Variants in RFX8 observed in about 807,000 individuals in gnomAD.
RFX8 encodes the protein regulatory factor X8, also known as DNA-binding protein RFX8.
A neutral mutation model predicts 54.6 loss-of-function variants in RFX8; 46 were observed. That is an observed-to-expected ratio of 0.84 (90% CI 0.67 to 1.08). The LOEUF (loss-of-function observed/expected upper bound fraction) is 1.08. Ranked by LOEUF, RFX8 falls within the 50% of genes least tolerant of loss-of-function variation. The pLI, the probability that RFX8 is intolerant of heterozygous loss-of-function variation, is 0.00. For missense variants in RFX8, 536 were observed against 562.3 expected, an observed-to-expected ratio of 0.95 and a Z score of 0.47; for synonymous variants, 192 against 209.5, an observed-to-expected ratio of 0.92 and a Z score of 0.72.
rs1294396543 is a variant in RFX8, at chr2:101,397,637, T to C, written c.1333A>G (p.Lys445Glu). ...PMGQEALITL[K>E]DGQQFVIQIS... ...TGAATCACAAATTGTTGTCCATCTTTTAGGGTTATGAGGGCTTCTTGTCCC... is the reference window on the plus strand; with the variant it reads ...TGAATCACAAATTGTTGTCCATCTTCTAGGGTTATGAGGGCTTCTTGTCCC... Residue 445 changes from lysine (K) to glutamate (E), a missense_variant, in exon 12 of 12, where the codon AAA (lysine) becomes GAA (glutamate). Coordinates refer to ENST00000428343, the MANE Select transcript of RFX8 (RefSeq NM_001145664.2). 1 of 1,551,526 alleles carries C rather than the reference T, an allele frequency of 6.4e-7. No individual in the cohort carries two copies.
chr2:101,471,984 G>C (rs889605560), intron 1 of RFX8, among the ~76,000 whole-genome samples: 1 of 151,964 alleles, frequency 6.6e-6, no homozygotes, highest in Non-Finnish European at 1.5e-5. Flanking sequence ...CAGACCCCTC[G>C]CCCTGCACTA....
In RFX8 at chr2:101,436,822, T is replaced by C. The variant is rs373349444; in HGVS notation, c.73-14350A>G. 3.9e-4 allele frequency among the ~76,000 whole-genome samples: 60 copies of C among 152,304 alleles called. 2 individuals are homozygous for C. In the East Asian group the frequency reaches 0.011, roughly 27 times the overall value. On this transcript the variant is annotated intron_variant, in intron 2 of 11. Coordinates refer to ENST00000428343, the MANE Select transcript of RFX8 (RefSeq NM_001145664.2). ...CCTCTGTTGGCCGCTGACCTCCTTC[T>C]GCTAAGGAGCCCTGCTCTGGTTCTG...
At chr2:101,409,447 C>G (rs1202648813) in intron 9 of RFX8, among the ~76,000 whole-genome samples, 3 of 151,722 alleles carry the variant, frequency 2.0e-5, no homozygotes, top group Non-Finnish European at 4.4e-5. Context: ...AGAATGGTCT[C>G]CATCTCCTGA....
At chr2:101,412,563 G>C (rs181848727) in intron 8 of RFX8, among the ~76,000 whole-genome samples, 34 of 152,348 alleles carry the variant, frequency 2.2e-4, no homozygotes, top group African/African-American at 7.7e-4. Context: ...ACAGGAGTCT[G>C]TGTGTGTACA....
At chr2:101,469,066 G>A (rs10048675) in intron 1 of RFX8, among the ~76,000 whole-genome samples, 229 of 11,870 alleles carry the variant, frequency 0.019, no homozygotes, top group Middle Eastern at 0.042. Flanking sequence ...GTATATATAT[G>A]TATATATATA....
intron 2 of RFX8, among the ~76,000 whole-genome samples, chr2:101,457,698 G>A (rs992663813): frequency 6.6e-6 from 1 of 152,204 alleles, no homozygotes; most frequent in Admixed American, 6.5e-5. Context: ...ATTTGGGCTG[G>A]AGAGTTCTGT....
Position 101,410,622 on chromosome 2 carries a change from G to A in RFX8, c.810C>T (p.Phe270=). The A allele has an allele frequency of 6.7e-7, 1 of 1,499,706 alleles. No homozygotes were observed. Among genetic ancestry groups the A allele is most frequent in the South Asian group, 1.2e-5 (1 of 80,840 alleles). 92.9% of individuals were successfully genotyped at this position (1,499,706 alleles called of 1,614,324 possible). A position where few individuals can be genotyped will look rare whatever the true frequency, so the allele number is the denominator to read the frequency against. ...CLSSHLQAFV[F]QTSRSKEEFT... ...TTTTTAAGTCACAGCTTCCTACCTG[G>A]AACACAAATGCTTGGAGATGTGAAG... Residue 270 remains phenylalanine, a synonymous_variant, in exon 9 of 12, where the codon TTC becomes TTT. Transcript: ENST00000428343.
intron 6 of RFX8, among the ~76,000 whole-genome samples, chr2:101,416,595 C>T (rs532406071): frequency 2.6e-5 from 4 of 152,202 alleles, no homozygotes; most frequent in African/African-American, 7.2e-5. Context: ...ACAAAATGAC[C>T]CTGACCTGGC....
At chr2:101,413,208 T>C (rs536374010) in intron 7 of RFX8, 137 bp from the exon 8 acceptor site, 3 of 702,080 alleles carry the variant, frequency 4.3e-6, no homozygotes, top group Non-Finnish European at 7.2e-6. Context: ...TAAAAATGAA[T>C]CTTAAACAAG....
At chr2:101,465,328 A>G (rs182369912) in intron 2 of RFX8, among the ~76,000 whole-genome samples, 13 of 152,106 alleles carry the variant, frequency 8.5e-5, no homozygotes, top group Non-Finnish European at 1.6e-4. Flanking sequence ...AACATAGTGA[A>G]ACCCAGTCTC....
At chr2:101,424,655 G>A (rs1573400049) in intron 2 of RFX8, among the ~76,000 whole-genome samples, 1 of 152,288 alleles carries the variant, frequency 6.6e-6, no homozygotes, top group Middle Eastern at 3.4e-3. Context: ...AAGAAAATGT[G>A]GCACATATAC....
At chr2:101,436,047 C>T (rs897716037) in intron 2 of RFX8, among the ~76,000 whole-genome samples, 1 of 152,086 alleles carries the variant, frequency 6.6e-6, no homozygotes, top group Non-Finnish European at 1.5e-5. Context: ...TCTGTCACGA[C>T]CCCCCTGCTG....
chr2:101,448,970 A>G (rs1688539265), intron 2 of RFX8, among the ~76,000 whole-genome samples: 2 of 152,178 alleles, frequency 1.3e-5, no homozygotes, highest in Admixed American at 1.3e-4. Context: ...ACTTTCCTGT[A>G]GCTGGCATTG....
At chr2:101,405,606 T>G (rs758104994) in intron 10 of RFX8, among the ~76,000 whole-genome samples, 2 of 152,190 alleles carry the variant, frequency 1.3e-5, no homozygotes, top group Non-Finnish European at 2.9e-5. Flanking sequence ...TAAGTATGAG[T>G]GCTTCAAAGA....
intron 9 of RFX8, among the ~76,000 whole-genome samples, chr2:101,408,029 C>T (rs546902579): frequency 6.6e-6 from 1 of 152,332 alleles, no homozygotes; most frequent in African/African-American, 2.4e-5. Flanking sequence ...AAAAACAAGT[C>T]CTTCAAAGGC....
chr2:101,429,691 A>T (rs974356807), intron 2 of RFX8, among the ~76,000 whole-genome samples: 1 of 152,164 alleles, frequency 6.6e-6, no homozygotes, highest in South Asian at 2.1e-4. Context: ...GGCTGAGCCA[A>T]GGGCAGACAT....
chr2:101,458,692 G>T (rs987882006), intron 2 of RFX8, among the ~76,000 whole-genome samples: 2 of 152,054 alleles, frequency 1.3e-5, no homozygotes, highest in African/African-American at 4.8e-5. Flanking sequence ...AGTGTCTTGG[G>T]TTGCTCTTTT....
At chr2:101,461,943 G>C (rs780495737) in intron 2 of RFX8, among the ~76,000 whole-genome samples, 1 of 152,076 alleles carries the variant, frequency 6.6e-6, no homozygotes, top group Non-Finnish European at 1.5e-5. Flanking sequence ...GGAATGTTAT[G>C]AATTTGTCTA....
chr2:101,445,723 C>T (rs1436206196), intron 2 of RFX8, among the ~76,000 whole-genome samples: 1 of 152,084 alleles, frequency 6.6e-6, no homozygotes, highest in African/African-American at 2.4e-5. Flanking sequence ...AGCCACTATG[C>T]CTGGTCTATT....
Sources: gnomAD v4.1 joint callset for allele counts (sites outside exome capture counted in the v4.1 genomes callset) on GRCh38, gnomAD v4.1.1 for gene constraint, MANE v1.5 for transcripts, NCBI Gene and HGNC (gene_info 2026-07-23, HGNC 2026-07-21) for gene names.